The following TANC2 variants were observed in gnomAD, a reference collection of about 807,000 sequenced individuals.
TANC2 encodes the protein tetratricopeptide repeat, ankyrin repeat and coiled-coil containing 2, also known as protein TANC2.
TANC2 carries 26 observed loss-of-function variants against 210.5 expected under a neutral mutation model. That is an observed-to-expected ratio of 0.12 (90% CI 0.09 to 0.17). The LOEUF (loss-of-function observed/expected upper bound fraction) is 0.17. TANC2 is among the 10% of genes least tolerant of loss of function. The probability of loss-of-function intolerance (pLI) is 1.00; values close to 1 mark genes in which losing one functional copy is unlikely to be tolerated. For synonymous variants in TANC2, 931 were observed against 967.1 expected (o/e 0.96, Z 0.69); for missense variants, 2,129 against 2,608.9 (o/e 0.82, Z 4.01).
exon 28 of TANC2, chr17:63,426,201 T>C (rs2049139054): frequency 6.6e-6 from 1 of 152,270 alleles, no homozygotes; most frequent in African/African-American, 2.4e-5. Flanking sequence ...TGCTGCTCGC[T>C]CACTGGGAGG....
chr17:63,323,108 T>C (rs1037409035), intron 11 of TANC2, among the ~76,000 whole-genome samples: 2 of 152,238 alleles, frequency 1.3e-5, no homozygotes, highest in African/African-American at 4.8e-5. Context: ...GCCTGCAATC[T>C]TGCTGCTCAC....
At chr17:63,061,088 C>T (rs59631404) in intron 2 of TANC2, among the ~76,000 whole-genome samples, 34,587 of 151,878 alleles carry the variant, frequency 0.23, 4,166 homozygotes, top group South Asian at 0.35. Context: ...AGATTATGGC[C>T]AGGCACGGTG....
intron 9 of TANC2, among the ~76,000 whole-genome samples, chr17:63,284,908 T>C (rs1475602601): frequency 6.6e-6 from 1 of 152,140 alleles, no homozygotes; most frequent in Non-Finnish European, 1.5e-5. Flanking sequence ...TTTGGAGCTT[T>C]GTTATTAGAG....
At chr17:62,973,884 A>G (rs1035072966) in intron 1 of TANC2, among the ~76,000 whole-genome samples, 1 of 152,242 alleles carries the variant, frequency 6.6e-6, no homozygotes, top group Non-Finnish European at 1.5e-5. Flanking sequence ...AGGAGATTCA[A>G]ATTTCATTGT....
intron 2 of TANC2, among the ~76,000 whole-genome samples, chr17:63,071,678 A>G (rs535497391): frequency 6.6e-6 from 1 of 152,234 alleles, no homozygotes; most frequent in Non-Finnish European, 1.5e-5. Flanking sequence ...TAGAGAATAT[A>G]TCTTTTGATT....
chr17:63,371,171 A>C (rs2047256882), intron 14 of TANC2, among the ~76,000 whole-genome samples: 4 of 152,054 alleles, frequency 2.6e-5, no homozygotes, highest in Non-Finnish European at 5.9e-5. Context: ...CACACAGAAT[A>C]TCAAAGCACC....
At chr17:63,321,255 T>A (rs535689579) in intron 11 of TANC2, among the ~76,000 whole-genome samples, 1 of 152,220 alleles carries the variant, frequency 6.6e-6, no homozygotes, top group African/African-American at 2.4e-5. Flanking sequence ...TCTTAACTTT[T>A]CTGTTTTCTA....
At chr17:62,998,530 G>A (rs922055877) in intron 1 of TANC2, among the ~76,000 whole-genome samples, 2 of 152,152 alleles carry the variant, frequency 1.3e-5, no homozygotes, top group African/African-American at 2.4e-5. Context: ...ACTTAAAAAG[G>A]GAACCCTGGT....
At chr17:63,098,811 C>CCT (rs2037511011) in intron 3 of TANC2, among the ~76,000 whole-genome samples, 1 of 151,788 alleles carries the variant, frequency 6.6e-6, no homozygotes, top group Non-Finnish European at 1.5e-5. Flanking sequence ...CTAGCAATTG[C>CCT]ACACGATGGC....
intron 5 of TANC2, among the ~76,000 whole-genome samples, chr17:63,174,109 A>G (rs1406111567): frequency 6.6e-6 from 1 of 152,234 alleles, no homozygotes; most frequent in African/African-American, 2.4e-5. Flanking sequence ...TGACGAAGGC[A>G]GATTTTTGAC....
At chr17:63,029,673 A>G (rs181172139) in intron 2 of TANC2, among the ~76,000 whole-genome samples, 6 of 152,024 alleles carry the variant, frequency 3.9e-5, no homozygotes, top group African/African-American at 1.5e-4. Context: ...GAGATTTTTT[A>G]GTGCTTACTG....
At chr17:63,346,469 G>A (rs906947711) in intron 12 of TANC2, among the ~76,000 whole-genome samples, 4 of 152,122 alleles carry the variant, frequency 2.6e-5, no homozygotes, top group South Asian at 2.1e-4. Flanking sequence ...AAGAAGATAC[G>A]TCAACAGCCT....
At chr17:63,170,227 C>G (rs1478050383) in intron 5 of TANC2, among the ~76,000 whole-genome samples, 1 of 151,082 alleles carries the variant, frequency 6.6e-6, no homozygotes, top group African/African-American at 2.4e-5. Flanking sequence ...GAGATTGAGA[C>G]CATCCTGGCT....
At chr17:63,283,358 C>T (rs1206307332) in intron 9 of TANC2, among the ~76,000 whole-genome samples, 1 of 151,790 alleles carries the variant, frequency 6.6e-6, no homozygotes, top group Non-Finnish European at 1.5e-5. Flanking sequence ...TACTTTATTA[C>T]TGTAGCTTTA....
exon 13 of TANC2, chr17:63,351,352 G>A (rs1263473049): frequency 1.9e-6 from 3 of 1,610,542 alleles, no homozygotes; most frequent in South Asian, 1.1e-5. Context: ...TCGTTTCTGA[G>A]TAAAATGATC....
rs760394303 is a variant in TANC2 at position 63,128,723 on chromosome 17, A to G, written c.323-22547A>G. Among the ~76,000 whole-genome samples the G allele has an allele frequency of 1.0e-3, 156 of 152,272 alleles. 4 individuals carry two copies. Among genetic ancestry groups the G allele is most frequent in the Non-Finnish European group, 9.6e-4 (65 of 68,022 alleles). On this transcript the variant is annotated intron_variant, in intron 4 of 27. Transcript: ENST00000689528. ...GGACTTCTGTATATATTACCTTCAT[A>G]TTTTTCGGTAGCCCTGACCAAGTTT...
exon 28 of TANC2, chr17:63,422,423 G>A (rs1018788181): frequency 2.3e-5 from 4 of 170,624 alleles, no homozygotes; most frequent in South Asian, 1.4e-4. Context: ...ACAGCCAGCC[G>A]CAGCGCATTC....
chr17:62,987,431 G>A (rs2143518614), intron 1 of TANC2, among the ~76,000 whole-genome samples: 1 of 152,298 alleles, frequency 6.6e-6, no homozygotes, highest in Middle Eastern at 3.4e-3. Context: ...GTTAGGGAGT[G>A]CACACCTTGT....
intron 1 of TANC2, among the ~76,000 whole-genome samples, chr17:62,989,894 C>T (rs1034990196): frequency 7.9e-5 from 12 of 151,510 alleles, no homozygotes; most frequent in African/African-American, 2.9e-4. Flanking sequence ...CCTCAGCCTC[C>T]TGAGTAGCTG....
Sources: allele counts gnomAD v4.1 joint callset (sites outside exome capture counted in the v4.1 genomes callset), GRCh38; gene constraint gnomAD v4.1.1; transcripts MANE v1.5; gene names NCBI Gene and HGNC (gene_info 2026-07-23, HGNC 2026-07-21).